The following SUCNR1 variants were observed in gnomAD, a reference collection of about 807,000 sequenced individuals.
SUCNR1 encodes succinate receptor 1.
A neutral mutation model predicts 2.4 loss-of-function variants in SUCNR1; 5 were observed. That is an observed-to-expected ratio of 2.07 (90% CI 1.08 to 4.36). SUCNR1 has a LOEUF of 4.36. Among genes scored for constraint, SUCNR1 ranks in the 30% most tolerant of loss-of-function variants. The pLI, the probability that SUCNR1 is intolerant of heterozygous loss-of-function variation, is 0.00. For synonymous variants in SUCNR1, 162 were observed against 143.9 expected (o/e 1.13, Z -0.90); for missense variants, 373 against 399.2 (o/e 0.93, Z 0.56).
intron 1 of SUCNR1, among the ~76,000 whole-genome samples, chr3:151,877,857 T>C (rs1024206540): frequency 2.0e-5 from 3 of 151,930 alleles, no homozygotes; most frequent in Non-Finnish European, 4.4e-5. Context: ...GTGAATGAGA[T>C]CATTTAGGAA....
intron 1 of SUCNR1, among the ~76,000 whole-genome samples, chr3:151,878,720 G>A (rs1360490967): frequency 6.6e-6 from 1 of 152,046 alleles, no homozygotes; most frequent in Non-Finnish European, 1.5e-5. Context: ...AGAGATTCGA[G>A]AGACTCCGAA....
rs377202524 is a variant in SUCNR1, at chr3:151,880,792, T to C, written c.249T>C (p.Tyr83=). 3.1e-6 allele frequency: 5 copies of C among 1,614,048 alleles called. No homozygotes were observed. ...CCCTCCCCATGCTGATAAGGAGTTA[T>C]GCCAATGGAAACTGGATATATGGAG... is the stretch of plus-strand genomic sequence containing the variant. ...LCTLPMLIRS[Y]ANGNWIYGDV... The change falls in exon 3 of 3, where the codon TAT becomes TAC. Residue 83 remains tyrosine, a synonymous_variant. Coordinates refer to ENST00000362032, the MANE Select transcript of SUCNR1 (RefSeq NM_033050.6).
chr3:151,877,318 G>C (rs1002156252), intron 1 of SUCNR1, among the ~76,000 whole-genome samples: 1 of 152,132 alleles, frequency 6.6e-6, no homozygotes, highest in Non-Finnish European at 1.5e-5. Flanking sequence ...ATAGTGGAAA[G>C]TTAATTAAGG....
Position 151,880,569 on chromosome 3 carries a change from C to A in SUCNR1, c.26C>A (p.Ala9Glu), listed in dbSNP as rs540108496. ...CTCTCTCTTCTTTAGGCATGGAATG[C>A]AACTTGCAAAAACTGGCTGGCAGCA... MLGIMAWN[A>E]TCKNWLAAEA... The change falls in exon 3 of 3, where the codon GCA (alanine) becomes GAA (glutamate). Residue 9 changes from alanine (A) to glutamate (E), a missense_variant. Around this residue, in one of 3 missense-constraint regions of SUCNR1, gnomAD observed 184 missense variants for 162.2 expected, o/e 1.13. Coordinates refer to ENST00000362032, the MANE Select transcript of SUCNR1 (RefSeq NM_033050.6). 1.9e-6 allele frequency: 3 copies of A among 1,603,232 alleles called. No homozygotes were observed. The South Asian group carries it at 3.4e-5, about 18-fold the overall frequency.
At position 151,882,260 on chromosome 3, in the gene SUCNR1, A is replaced by AT. The variant is rs1252459063; in HGVS notation, c.*713dup. ...AGAGAGATACACCAAGGATATTTGA[A>AT]TAAAAAAAAAATTTGTAGAACACAA... On this transcript the variant is annotated 3_prime_UTR_variant, in exon 3 of 3. Transcript: ENST00000362032. The AT allele has an allele frequency of 6.6e-6, 1 of 152,130 alleles. No individual in the cohort carries two copies. Among genetic ancestry groups the AT allele is most frequent in the East Asian group, 1.9e-4 (1 of 5,202 alleles). 9.4% of individuals were successfully genotyped at this position (152,130 alleles called of 1,614,324 possible).
intron 1 of SUCNR1, among the ~76,000 whole-genome samples, chr3:151,876,778 G>A (rs1365705396): frequency 1.3e-5 from 2 of 151,994 alleles, no homozygotes; most frequent in African/African-American, 4.8e-5. Context: ...TAAGCAATGA[G>A]CTTAATCTGA....
chr3:151,879,439 T>C (rs1192495511), intron 1 of SUCNR1, among the ~76,000 whole-genome samples: 1 of 152,154 alleles, frequency 6.6e-6, no homozygotes, highest in African/African-American at 2.4e-5. Context: ...ATGAATGGGA[T>C]TGGTACTCTT....
chr3:151,875,381 A>T (rs1717892333), intron 1 of SUCNR1, among the ~76,000 whole-genome samples: 1 of 152,194 alleles, frequency 6.6e-6, no homozygotes, highest in South Asian at 2.1e-4. Flanking sequence ...AAACATACCC[A>T]ACTATAAACA....
chr3:151,879,114 T>G (rs1052006445), intron 1 of SUCNR1, among the ~76,000 whole-genome samples: 1 of 152,210 alleles, frequency 6.6e-6, no homozygotes, highest in African/African-American at 2.4e-5. Context: ...ACACTTAATG[T>G]TTAACAATGG....
At chr3:151,876,106 C>T (rs986363923) in intron 1 of SUCNR1, among the ~76,000 whole-genome samples, 5 of 152,138 alleles carry the variant, frequency 3.3e-5, no homozygotes, top group African/African-American at 1.2e-4. Context: ...ACTTTCTATA[C>T]CTTAATTTTC....
intron 1 of SUCNR1, among the ~76,000 whole-genome samples, chr3:151,876,701 A>T (rs1342886172): frequency 6.6e-6 from 1 of 151,952 alleles, no homozygotes; most frequent in Non-Finnish European, 1.5e-5. Context: ...AGCTACTACT[A>T]CTACAATTAC....
intron 1 of SUCNR1, among the ~76,000 whole-genome samples, chr3:151,878,763 A>C (rs1717997332): frequency 6.6e-6 from 1 of 152,182 alleles, no homozygotes. Flanking sequence ...AGTGATTAAA[A>C]ATAACTTTTC....
chr3:151,883,145 AT>A lies in SUCNR1; in HGVS notation c.*1601del, dbSNP rs1225808314. 2.0e-5 allele frequency: 3 copies of A among 152,000 alleles called. No individual in the cohort carries two copies. In the East Asian group the frequency reaches 5.8e-4, roughly 29 times the overall value. The allele number at this position is 152,000 out of a possible 1,614,324, so 9.4% of individuals were successfully genotyped here. A position where few individuals can be genotyped will look rare whatever the true frequency, so the allele number is the denominator to read the frequency against. On this transcript the variant is annotated 3_prime_UTR_variant, in exon 3 of 3. Transcript: ENST00000362032. The stretch of plus-strand genomic sequence containing the variant: ...CTTACATCACACCAGGCTTTAAGAT[AT>A]TTTCTGCCATGCCTTGCCTTTAGTA...
At chr3:151,880,359 C>T (rs1445431675) in intron 2 of SUCNR1, among the ~76,000 whole-genome samples, 200 bp from the exon 3 acceptor site, 1 of 152,150 alleles carries the variant, frequency 6.6e-6, no homozygotes, top group Non-Finnish European at 1.5e-5. Context: ...ATATTCAGCA[C>T]ATAGTTGAAA....
rs1718135424 is a variant in SUCNR1, at chr3:151,882,615, G to A, written c.*1067G>A. ...TACAAGGATAACTTTATTGTAGCGA[G>A]AGCAAATCACATCTGGAGTGAGCCT... On this transcript the variant is annotated 3_prime_UTR_variant, in exon 3 of 3. Coordinates refer to ENST00000362032, the MANE Select transcript of SUCNR1 (RefSeq NM_033050.6). The A allele has an allele frequency of 6.6e-6, 1 of 152,112 alleles. No individual in the cohort carries two copies. Among genetic ancestry groups the A allele is most frequent in the Non-Finnish European group, 1.5e-5 (1 of 67,982 alleles). 9.4% of individuals were successfully genotyped at this position (152,112 alleles called of 1,614,324 possible). A position where few individuals can be genotyped will look rare whatever the true frequency, so the allele number is the denominator to read the frequency against.
In SUCNR1 at chr3:151,883,555, A is replaced by G. The variant is rs1280032952; in HGVS notation, c.*2007A>G. ...AAATTTTATAGCACATTTTAAAATT[A>G]TTTTCTTCCTCAAATCTATCATGTG... On this transcript the variant is annotated 3_prime_UTR_variant, in exon 3 of 3. Coordinates refer to ENST00000362032, the MANE Select transcript of SUCNR1 (RefSeq NM_033050.6). The G allele has an allele frequency of 1.4e-5, 2 of 144,394 alleles. No homozygotes were observed. The highest frequency in any genetic ancestry group is 5.1e-5 in the African/African-American group (2 of 39,534). The allele number at this position is 144,394 out of a possible 1,614,324, so 8.9% of individuals were successfully genotyped here. A position where few individuals can be genotyped will look rare whatever the true frequency, so the allele number is the denominator to read the frequency against.
chr3:151,876,831 A>T (rs1520214), intron 1 of SUCNR1, among the ~76,000 whole-genome samples: 2 of 152,070 alleles, frequency 1.3e-5, no homozygotes, highest in Non-Finnish European at 2.9e-5. Flanking sequence ...TATTTATAAA[A>T]ATGCTTTGTA....
In SUCNR1 at chr3:151,880,744, C is replaced by T. The variant is rs372869977; in HGVS notation, c.201C>T (p.Val67=). 7 of 1,614,092 alleles carry T rather than the reference C, an allele frequency of 4.3e-6. No individual in the cohort carries two copies. Among genetic ancestry groups the T allele is most frequent in the Non-Finnish European group, 5.9e-6 (7 of 1,179,968 alleles). Reference sequence around the variant, plus strand: ...ATATTTATCTCTTTAACCTCTCTGTCTCTGACTTAGCTTTTCTGTGCACCC... The same window carrying T: ...ATATTTATCTCTTTAACCTCTCTGTTTCTGACTTAGCTTTTCTGTGCACCC... ...SSNIYLFNLS[V]SDLAFLCTLP... The change falls in exon 3 of 3, where the codon GTC becomes GTT. Residue 67 remains valine (V), a synonymous_variant. Transcript: ENST00000362032.
At position 151,880,689 on chromosome 3, in the gene SUCNR1, T is replaced by C. The variant is rs769094144; in HGVS notation, c.146T>C (p.Ile49Thr). Reference sequence around the variant, plus strand: ...AATACCATTGTTGTTTACGGCTACATCTTCTCTCTGAAGAACTGGAACAGC... The same window carrying C: ...AATACCATTGTTGTTTACGGCTACACCTTCTCTCTGAAGAACTGGAACAGC... ...LGNTIVVYGY[I>T]FSLKNWNSSN... The change falls in exon 3 of 3, where the codon ATC (isoleucine) becomes ACC (threonine). Residue 49 changes from isoleucine to threonine, a missense_variant. Physicochemically the swap from Ile to Thr is moderately conservative, Grantham distance 89. Transcript: ENST00000362032. 1.2e-6 allele frequency: 2 copies of C among 1,614,034 alleles called. No individual in the cohort carries two copies. Among genetic ancestry groups the C allele is most frequent in the Admixed American group, 1.7e-5 (1 of 60,000 alleles).
Sources: allele counts gnomAD v4.1 joint callset (sites outside exome capture counted in the v4.1 genomes callset), GRCh38; gene constraint gnomAD v4.1.1; regional missense constraint gnomAD v4.1.1; transcripts MANE v1.5; gene names NCBI Gene and HGNC (gene_info 2026-07-23, HGNC 2026-07-21).